SPIDR: variants seen among roughly 807,000 people sequenced by gnomAD.
SPIDR encodes the protein scaffold protein involved in DNA repair, also known as DNA repair-scaffolding protein.
SPIDR carries 93 observed loss-of-function variants against 104.6 expected under a neutral mutation model. The ratio of observed to expected loss-of-function variants is 0.89; its 90% confidence interval spans 0.75 to 1.06. The LOEUF is 1.06. Among genes scored for constraint, SPIDR ranks in the 50% least tolerant of loss-of-function variants. The pLI is 0.00. For missense variants in SPIDR, 1,154 were observed against 1,111.2 expected (o/e 1.04, Z -0.55); for synonymous variants, 431 against 416.9 (o/e 1.03, Z -0.41).
chr8:47,411,899 T>G (rs1283981346), intron 7 of SPIDR, among the ~76,000 whole-genome samples: 1 of 152,242 alleles, frequency 6.6e-6, no homozygotes, highest in Non-Finnish European at 1.5e-5. Context: ...CAGCACCATT[T>G]ATTAAATAAG....
At chr8:47,676,115 C>A (rs2076415624) in intron 11 of SPIDR, among the ~76,000 whole-genome samples, 1 of 152,252 alleles carries the variant, frequency 6.6e-6, no homozygotes, top group South Asian at 2.1e-4. Flanking sequence ...CCTGTTCTTT[C>A]ACCATTCTTC....
chr8:47,322,772 G>C lies in SPIDR; in HGVS notation c.525+28742G>C, dbSNP rs200869664. ...ACTATGCAGCCATAAAAAAGGATGA[G>C]TTCATGTCCTTTGTAGGGACATGGA... On this transcript the variant is annotated intron_variant, in intron 5 of 19. Transcript: ENST00000297423. Among the ~76,000 whole-genome samples, 18 of 152,258 alleles carry C rather than the reference G, an allele frequency of 1.2e-4. No homozygotes were observed. In the East Asian group the frequency reaches 2.1e-3, roughly 18 times the overall value.
chr8:47,451,742 CTA>C, intron 8 of SPIDR, among the ~76,000 whole-genome samples: 1 of 152,188 alleles, frequency 6.6e-6, no homozygotes, highest in East Asian at 1.9e-4. Context: ...CTGTGGGACA[CTA>C]TCAAATGTAG....
intron 5 of SPIDR, among the ~76,000 whole-genome samples, chr8:47,317,585 T>C (rs2045624446): frequency 6.6e-6 from 1 of 151,856 alleles, no homozygotes; most frequent in African/African-American, 2.4e-5. Context: ...GTCTGCAGCT[T>C]CGAAGAGAGT....
intron 10 of SPIDR, among the ~76,000 whole-genome samples, chr8:47,629,334 G>T (rs756332934): frequency 1.3e-5 from 2 of 152,154 alleles, no homozygotes; most frequent in Non-Finnish European, 2.9e-5. Context: ...AGCAGGTATT[G>T]GCAAGCATAT....
chr8:47,560,795 A>G (rs945545605), intron 8 of SPIDR, among the ~76,000 whole-genome samples: 18 of 151,816 alleles, frequency 1.2e-4, no homozygotes, highest in African/African-American at 4.4e-4. Flanking sequence ...GTCCATAGAG[A>G]CTCCCACATT....
intron 5 of SPIDR, among the ~76,000 whole-genome samples, chr8:47,349,517 A>T (rs1174858441): frequency 6.6e-6 from 1 of 152,140 alleles, no homozygotes; most frequent in Admixed American, 6.5e-5. Context: ...TCAGACAGGG[A>T]TGTTTAAGTC....
intron 8 of SPIDR, among the ~76,000 whole-genome samples, chr8:47,556,285 T>C (rs1179441493): frequency 6.6e-6 from 1 of 152,228 alleles, no homozygotes; most frequent in Non-Finnish European, 1.5e-5. Context: ...TGGCTTAGCT[T>C]CCCTAATGAT....
intron 10 of SPIDR, among the ~76,000 whole-genome samples, chr8:47,661,199 G>T (rs1169876851): frequency 1.3e-4 from 20 of 152,182 alleles, no homozygotes; most frequent in Admixed American, 1.3e-3. Context: ...CTGGCTGATG[G>T]AATCAGTGCA....
intron 11 of SPIDR, among the ~76,000 whole-genome samples, chr8:47,675,328 G>A (rs767844593): frequency 6.6e-6 from 1 of 152,124 alleles, no homozygotes; most frequent in Non-Finnish European, 1.5e-5. Flanking sequence ...GAGCTACCAC[G>A]CCCGGCCAGC....
At chr8:47,518,242 C>T (rs1367495741) in intron 8 of SPIDR, among the ~76,000 whole-genome samples, 1 of 152,146 alleles carries the variant, frequency 6.6e-6, no homozygotes, top group Non-Finnish European at 1.5e-5. Context: ...CCTAAAAGTT[C>T]AGGTGTATTC....
Position 47,318,116 on chromosome 8 carries a change from G to A in SPIDR, c.525+24086G>A, listed in dbSNP as rs919383253. Among the ~76,000 whole-genome samples, 718 of 152,308 alleles carry A rather than the reference G, an allele frequency of 4.7e-3. 5 individuals carry two copies. Among genetic ancestry groups the A allele is most frequent in the African/African-American group, 0.016 (681 of 41,572 alleles). ...GGAGAGTGACTTTGACGAGTTGAGA[G>A]AAGAAGGCTTCAGACGATCAAACTA... On this transcript the variant is annotated intron_variant, in intron 5 of 19. Transcript: ENST00000297423.
At chr8:47,707,748 A>C (rs1392978817) in intron 14 of SPIDR, among the ~76,000 whole-genome samples, 2 of 152,204 alleles carry the variant, frequency 1.3e-5, no homozygotes, top group African/African-American at 4.8e-5. Flanking sequence ...TTCCAAGTCC[A>C]TGATGCATTT....
chr8:47,697,535 C>T (rs1167031788), intron 11 of SPIDR, among the ~76,000 whole-genome samples: 1 of 150,698 alleles, frequency 6.6e-6, no homozygotes, highest in African/African-American at 2.4e-5. Flanking sequence ...TTTAGGAAAG[C>T]ACGCGTGGGC....
chr8:47,437,616 C>T (rs1585700903), intron 7 of SPIDR, among the ~76,000 whole-genome samples: 1 of 152,078 alleles, frequency 6.6e-6, no homozygotes, highest in Non-Finnish European at 1.5e-5. Context: ...GACATTTATG[C>T]AGCCAAAAAA....
At chr8:47,520,648 A>G (rs1224590806) in intron 8 of SPIDR, among the ~76,000 whole-genome samples, 1 of 152,178 alleles carries the variant, frequency 6.6e-6, no homozygotes, top group African/African-American at 2.4e-5. Flanking sequence ...TGTGTAGGCT[A>G]TTTCTTTTCA....
chr8:47,727,178 G>T, intron 16 of SPIDR, 22 bp from the exon 17 acceptor site: 3 of 1,612,514 alleles, frequency 1.9e-6, no homozygotes, highest in Non-Finnish European at 2.5e-6. Flanking sequence ...TCTGAGGTGG[G>T]CTTTCCTTCT....
chr8:47,615,265 T>C (rs987831265), intron 10 of SPIDR, among the ~76,000 whole-genome samples: 2 of 152,012 alleles, frequency 1.3e-5, no homozygotes, highest in African/African-American at 4.8e-5. Context: ...ATTTTTTCTT[T>C]TGTTGCTTGT....
chr8:47,480,999 G>A (rs561994407), intron 8 of SPIDR, among the ~76,000 whole-genome samples: 2 of 152,322 alleles, frequency 1.3e-5, no homozygotes, highest in East Asian at 3.9e-4. Context: ...CAAGATAATT[G>A]GCAAAGCCAG....
Sources: allele counts gnomAD v4.1 joint callset (sites outside exome capture counted in the v4.1 genomes callset), GRCh38; gene constraint gnomAD v4.1.1; transcripts MANE v1.5; gene names NCBI Gene and HGNC (gene_info 2026-07-23, HGNC 2026-07-21).